SNX19: variants seen among roughly 807,000 people sequenced by gnomAD.
The protein encoded by SNX19 is sorting nexin 19.
SNX19 carries 60 observed loss-of-function variants against 85.2 expected under a neutral mutation model. That is an observed-to-expected ratio of 0.70 (90% CI 0.57 to 0.87). SNX19 has a LOEUF of 0.87. Ranked by LOEUF, SNX19 falls within the 40% of genes least tolerant of loss-of-function variation. The pLI, the probability that SNX19 is intolerant of heterozygous loss-of-function variation, is 0.00. For synonymous variants in SNX19, 520 were observed against 470.0 expected (o/e 1.11, Z -1.38); for missense variants, 1,201 against 1,217.8 (o/e 0.99, Z 0.21).
At chr11:130,908,544 G>A (rs1425944168) in intron 4 of SNX19, among the ~76,000 whole-genome samples, 1 of 152,156 alleles carries the variant, frequency 6.6e-6, no homozygotes, top group African/African-American at 2.4e-5. Flanking sequence ...CAGTTAAGGG[G>A]CATAGTAATA....
intron 6 of SNX19, 93 bp downstream of exon 6, chr11:130,906,532 T>C (rs1055499226): frequency 1.4e-5 from 12 of 883,168 alleles, no homozygotes; most frequent in Non-Finnish European, 1.7e-5. Context: ...TAGCAGGACA[T>C]TTCTGACTTC....
chr11:130,900,621 T>C (rs1386032119), intron 8 of SNX19, among the ~76,000 whole-genome samples: 8 of 152,152 alleles, frequency 5.3e-5, no homozygotes, highest in African/African-American at 1.9e-4. Flanking sequence ...CCCTTTTATA[T>C]AAGGATCTCA....
At chr11:130,897,373 TAC>T (rs143692993) in intron 8 of SNX19, among the ~76,000 whole-genome samples, 17 of 150,530 alleles carry the variant, frequency 1.1e-4, no homozygotes, top group Non-Finnish European at 1.3e-4. Context: ...GTCTCTATCT[TAC>T]ACACACACAC....
intron 6 of SNX19, 102 bp from the exon 7 acceptor site, chr11:130,906,235 G>A (rs892944120): frequency 3.3e-6 from 4 of 1,221,660 alleles, no homozygotes; most frequent in Non-Finnish European, 3.4e-6. Flanking sequence ...AAGTACCTTG[G>A]GTATAAAACC....
rs1942855019 is a variant in SNX19 at position 130,868,204 on chromosome 11, G to A, written c.*10218C>T. 1 of 151,992 alleles carries A rather than the reference G, an allele frequency of 6.6e-6. No individual in the cohort carries two copies. Among genetic ancestry groups the A allele is most frequent in the Non-Finnish European group, 1.5e-5 (1 of 67,992 alleles). 9.4% of individuals were successfully genotyped at this position (151,992 alleles called of 1,614,324 possible). On this transcript the variant is annotated 3_prime_UTR_variant, in exon 11 of 11. Transcript: ENST00000265909. ...ATGCCTTCCCTTTTCACACACTGGGGGCAGACACTCTCTCCTACTGACAGG... is the reference window on the plus strand; with the variant it reads ...ATGCCTTCCCTTTTCACACACTGGGAGCAGACACTCTCTCCTACTGACAGG...
At position 130,915,768 on chromosome 11, in the gene SNX19, G is replaced by C; in HGVS notation, c.172C>G (p.Leu58Val). The C allele has an allele frequency of 6.2e-7, 1 of 1,614,170 alleles. No homozygotes were observed. Among genetic ancestry groups the C allele is most frequent in the South Asian group, 1.1e-5 (1 of 91,076 alleles). Reference sequence around the variant, plus strand: ...CCCAGCCATCCTCCCAGCACCACTAGCAATGCCGACAGAAGGCACAGCAGC... The same window carrying C: ...CCCAGCCATCCTCCCAGCACCACTACCAATGCCGACAGAAGGCACAGCAGC... Reference protein sequence around the residue: ...VWLLCLLSALLVVLGGWLGSS... With the variant: ...VWLLCLLSALVVVLGGWLGSS... The change falls in exon 1 of 11, where the codon CTA (leucine) becomes GTA (valine). Residue 58 changes from leucine to valine, a missense_variant. Physicochemically the swap from Leu to Val is conservative, Grantham distance 32. This residue lies in a region of SNX19 where 791 missense variants were observed against 750.9 expected (regional missense o/e 1.05). Transcript: ENST00000265909.
rs754383092 is a variant in SNX19, at chr11:130,887,654, T to A, written c.2574-6848A>T. On this transcript the variant is annotated intron_variant, in intron 8 of 10. Coordinates refer to ENST00000265909, the MANE Select transcript of SNX19 (RefSeq NM_014758.3). ...GCCTCCTTGTGTTAATGAATTCTAG[T>A]CATTGGTCCTAGTTCTACTCTCTGG... Among the ~76,000 whole-genome samples, 83 of 152,224 alleles carry A rather than the reference T, an allele frequency of 5.5e-4. 2 individuals carry two copies. Among genetic ancestry groups the A allele is most frequent in the Non-Finnish European group, 1.9e-4 (13 of 68,038 alleles).
chr11:130,902,897 T>C (rs1161443080), intron 8 of SNX19, among the ~76,000 whole-genome samples: 1 of 152,210 alleles, frequency 6.6e-6, no homozygotes, highest in Non-Finnish European at 1.5e-5. Context: ...AGTGATGACA[T>C]AATGTCAGTT....
intron 8 of SNX19, among the ~76,000 whole-genome samples, chr11:130,888,930 T>C (rs1188667226): frequency 6.6e-6 from 1 of 152,190 alleles, no homozygotes; most frequent in Middle Eastern, 3.2e-3. Context: ...TGCTAGGCCA[T>C]TTTCCTTGAC....
intron 8 of SNX19, among the ~76,000 whole-genome samples, chr11:130,884,327 G>A (rs1368387093): frequency 2.0e-5 from 3 of 151,534 alleles, no homozygotes; most frequent in Admixed American, 6.6e-5. Flanking sequence ...TCTTCATCTC[G>A]CGATTTCTAC....
chr11:130,887,275 T>A (rs1032604604), intron 8 of SNX19, among the ~76,000 whole-genome samples: 16 of 152,130 alleles, frequency 1.1e-4, no homozygotes, highest in Non-Finnish European at 1.6e-4. Flanking sequence ...AGGAAGGAAC[T>A]TCAAAAAATC....
At position 130,910,102 on chromosome 11, in the gene SNX19, C is replaced by T; in HGVS notation, c.1950G>A (p.Glu650=). The change falls in exon 4 of 11, where the codon GAG becomes GAA. Residue 650 remains glutamate, a synonymous_variant. Coordinates refer to ENST00000265909, the MANE Select transcript of SNX19 (RefSeq NM_014758.3). ...LCAIPEIANS[E]EVQEFLALNT... is the part of the protein sequence containing the mutation. ...TCAGAGCAAGGAACTCCTGCACCTC[C>T]TCACTGTTAGCGATCTCCGGAATGG... 6.2e-7 allele frequency: 1 copy of T among 1,614,156 alleles called. No homozygotes were observed. Among genetic ancestry groups the T allele is most frequent in the South Asian group, 1.1e-5 (1 of 91,078 alleles).
At position 130,906,612 on chromosome 11, in the gene SNX19, T is replaced by A; in HGVS notation, c.2262+13A>T. 1 of 1,587,876 alleles carries A rather than the reference T, an allele frequency of 6.3e-7. No homozygotes were observed. Among genetic ancestry groups the A allele is most frequent in the Admixed American group, 1.7e-5 (1 of 59,962 alleles). ...ATATTTTTGCCTCACATTCTCTGGG[T>A]TTTGGTTCTTACCACATTGCCTTCC... On this transcript the variant is annotated intron_variant, in intron 6 of 10. Coordinates refer to ENST00000265909, the MANE Select transcript of SNX19 (RefSeq NM_014758.3).
In SNX19 at chr11:130,910,110, T is replaced by C; in HGVS notation, c.1942A>G (p.Asn648Asp). The C allele has an allele frequency of 6.2e-7, 1 of 1,614,172 alleles. No homozygotes were observed. Among genetic ancestry groups the C allele is most frequent in the Non-Finnish European group, 8.5e-7 (1 of 1,180,030 alleles). Reference sequence around the variant, plus strand: ...AGGAACTCCTGCACCTCCTCACTGTTAGCGATCTCCGGAATGGCACAGAGT... The same window carrying C: ...AGGAACTCCTGCACCTCCTCACTGTCAGCGATCTCCGGAATGGCACAGAGT... ...KQLCAIPEIA[N>D]SEEVQEFLAL... The change falls in exon 4 of 11, where the codon AAC becomes GAC. Residue 648 changes from asparagine (N) to aspartate (D), a missense_variant. Physicochemically the swap from Asn to Asp is conservative, Grantham distance 23. Around this residue, in one of 3 missense-constraint regions of SNX19, gnomAD observed 125 missense variants for 171.6 expected, o/e 0.73. Coordinates refer to ENST00000265909, the MANE Select transcript of SNX19 (RefSeq NM_014758.3).
intron 8 of SNX19, among the ~76,000 whole-genome samples, chr11:130,902,135 C>T (rs776772342): frequency 2.0e-5 from 3 of 152,230 alleles, no homozygotes; most frequent in East Asian, 1.9e-4. Flanking sequence ...CTACTAATGA[C>T]GACCTTGGGC....
chr11:130,909,145 T>A (rs1196073256), intron 4 of SNX19, among the ~76,000 whole-genome samples: 1 of 152,222 alleles, frequency 6.6e-6, no homozygotes, highest in Non-Finnish European at 1.5e-5. Context: ...CACTGATGTA[T>A]GAACAGCAGC....
intron 8 of SNX19, chr11:130,895,160 T>C (rs1240758514): frequency 2.0e-6 from 2 of 985,244 alleles, no homozygotes; most frequent in Non-Finnish European, 2.4e-6. Flanking sequence ...CTGCACTCTT[T>C]GGAAAGGAGA....
chr11:130,890,765 T>G (rs1253363118), intron 8 of SNX19, among the ~76,000 whole-genome samples: 1 of 152,182 alleles, frequency 6.6e-6, no homozygotes, highest in Admixed American at 6.5e-5. Flanking sequence ...CTCTCATAAT[T>G]GATAAATCCC....
At chr11:130,911,905 T>C (rs1192957427) in intron 1 of SNX19, 134 bp from the exon 2 acceptor site, 3 of 845,512 alleles carry the variant, frequency 3.5e-6, no homozygotes, top group South Asian at 1.7e-5. Flanking sequence ...AGTATGTTCC[T>C]ATTCTGTTCC....
Sources: allele counts gnomAD v4.1 joint callset (sites outside exome capture counted in the v4.1 genomes callset), GRCh38; gene constraint gnomAD v4.1.1; regional missense constraint gnomAD v4.1.1; transcripts MANE v1.5; gene names NCBI Gene and HGNC (gene_info 2026-07-23, HGNC 2026-07-21).